Variants in TMTC1 observed in about 807,000 individuals in gnomAD.
The protein encoded by TMTC1 is transmembrane O-mannosyltransferase targeting cadherins 1, also known as protein O-mannosyl-transferase TMTC1.
TMTC1 carries 73 observed loss-of-function variants against 104.8 expected under a neutral mutation model. The ratio of observed to expected loss-of-function variants is 0.70; its 90% CI spans 0.58 to 0.85. The LOEUF is 0.85. Ranked by LOEUF, TMTC1 falls within the 40% of genes least tolerant of loss-of-function variation. TMTC1 has a pLI of 0.00. For missense variants in TMTC1, 1,035 were observed against 1,096.1 expected, an observed-to-expected ratio of 0.94 and a Z score of 0.79; for synonymous variants, 434 against 428.7, an observed-to-expected ratio of 1.01 and a Z score of -0.15.
At chr12:29,589,529 C>T (rs1051606865) in intron 7 of TMTC1, among the ~76,000 whole-genome samples, 2 of 152,208 alleles carry the variant, frequency 1.3e-5, no homozygotes, top group Non-Finnish European at 2.9e-5. Flanking sequence ...CACCTCATCA[C>T]ACAACATCAC....
At chr12:29,689,462 C>T (rs543907494) in intron 5 of TMTC1, among the ~76,000 whole-genome samples, 11 of 152,050 alleles carry the variant, frequency 7.2e-5, no homozygotes, top group East Asian at 3.9e-4. Flanking sequence ...TACAGGCGTG[C>T]GCCACCACAC....
chr12:29,627,936 A>G (rs907153432), intron 6 of TMTC1, among the ~76,000 whole-genome samples: 2 of 152,230 alleles, frequency 1.3e-5, no homozygotes, highest in Admixed American at 1.3e-4. Flanking sequence ...CATACCAAAA[A>G]GACGCAGCTT....
At chr12:29,699,037 G>T (rs1038111668) in intron 5 of TMTC1, among the ~76,000 whole-genome samples, 1 of 152,152 alleles carries the variant, frequency 6.6e-6, no homozygotes, top group African/African-American at 2.4e-5. Flanking sequence ...GGACCAACTG[G>T]GTTTATGTGC....
chr12:29,567,713 C>A (rs534028754), intron 9 of TMTC1, among the ~76,000 whole-genome samples: 2 of 152,290 alleles, frequency 1.3e-5, no homozygotes, highest in African/African-American at 4.8e-5. Context: ...CTTAAATGTT[C>A]ACTTAAAATA....
At chr12:29,579,741 C>T (rs1046955782) in intron 8 of TMTC1, among the ~76,000 whole-genome samples, 2 of 152,158 alleles carry the variant, frequency 1.3e-5, no homozygotes, top group Admixed American at 6.5e-5. Context: ...CAGAGCTATG[C>T]GGTGATCCAC....
intron 11 of TMTC1, among the ~76,000 whole-genome samples, chr12:29,531,760 A>G (rs1254094910): frequency 3.3e-5 from 5 of 152,192 alleles, no homozygotes; most frequent in Non-Finnish European, 5.9e-5. Flanking sequence ...GATGCAGTAG[A>G]CACAGAGTGG....
chr12:29,553,445 C>T (rs752220327), intron 10 of TMTC1, among the ~76,000 whole-genome samples: 2 of 152,104 alleles, frequency 1.3e-5, no homozygotes, highest in Non-Finnish European at 2.9e-5. Flanking sequence ...GAGATACAGC[C>T]ACTTGGCTCT....
Position 29,755,702 on chromosome 12 carries a change from G to C in TMTC1, c.731+7C>G. On this transcript the variant is annotated splice_region_variant and intron_variant, in intron 4 of 17. Coordinates refer to ENST00000539277, the MANE Select transcript of TMTC1 (RefSeq NM_001193451.2). ...CCATTTGATATCAAAACTGTAAAAT[G>C]ACTTACGACTTGTCTTGCTTGTTGG... 2 of 1,610,714 alleles carry C rather than the reference G, an allele frequency of 1.2e-6. No individual in the cohort carries two copies. Among genetic ancestry groups the C allele is most frequent in the Non-Finnish European group, 1.7e-6 (2 of 1,178,074 alleles).
At chr12:29,775,398 G>C (rs546151393) in intron 1 of TMTC1, among the ~76,000 whole-genome samples, 1 of 152,164 alleles carries the variant, frequency 6.6e-6, no homozygotes, top group South Asian at 2.1e-4. Context: ...CTGACCAACT[G>C]GCTACATAAT....
At chr12:29,733,562 A>G (rs183985223) in intron 5 of TMTC1, among the ~76,000 whole-genome samples, 1 of 152,324 alleles carries the variant, frequency 6.6e-6, no homozygotes, top group African/African-American at 2.4e-5. Flanking sequence ...AAGTCAGGCT[A>G]AAGTGCCAGC....
intron 6 of TMTC1, among the ~76,000 whole-genome samples, chr12:29,621,783 T>C (rs1031329262): frequency 6.6e-6 from 1 of 152,024 alleles, no homozygotes; most frequent in Non-Finnish European, 1.5e-5. Flanking sequence ...TGGAGGTAAA[T>C]CCAAAGTGAG....
intron 5 of TMTC1, among the ~76,000 whole-genome samples, chr12:29,673,691 T>C (rs1940604706): frequency 1.3e-5 from 2 of 151,168 alleles, no homozygotes. Context: ...ACATTGCATT[T>C]TGCTAAGTGT....
At chr12:29,657,738 AAGT>A (rs1939826054) in intron 5 of TMTC1, among the ~76,000 whole-genome samples, 1 of 152,346 alleles carries the variant, frequency 6.6e-6, no homozygotes, top group South Asian at 2.1e-4. Context: ...AAGGCAAAGA[AAGT>A]AGTAGAAATT....
At chr12:29,629,738 T>A (rs1348563143) in intron 6 of TMTC1, among the ~76,000 whole-genome samples, 1 of 152,190 alleles carries the variant, frequency 6.6e-6, no homozygotes, top group African/African-American at 2.4e-5. Flanking sequence ...GCTTTGAAAC[T>A]AGAAAGTGCT....
chr12:29,655,357 C>T lies in TMTC1; in HGVS notation c.939-22021G>A, dbSNP rs1202881457. ...ATGAATGGGAATGAGATTGGCAAAT[C>T]AGTAACAATTTTTTTTCCAATGTAC... On this transcript the variant is annotated intron_variant, in intron 5 of 17. Coordinates refer to ENST00000539277, the MANE Select transcript of TMTC1 (RefSeq NM_001193451.2). Among the ~76,000 whole-genome samples, 3 of 152,198 alleles carry T rather than the reference C, an allele frequency of 2.0e-5. No homozygotes were observed. In the East Asian group the frequency reaches 5.8e-4, roughly 29 times the overall value.
intron 7 of TMTC1, among the ~76,000 whole-genome samples, chr12:29,593,757 T>C (rs924665429): frequency 2.0e-5 from 3 of 152,248 alleles, no homozygotes; most frequent in African/African-American, 7.2e-5. Context: ...AATTAATACA[T>C]AATGAGGAAG....
chr12:29,623,987 T>C (rs931942361), intron 6 of TMTC1, among the ~76,000 whole-genome samples: 3 of 152,020 alleles, frequency 2.0e-5, no homozygotes, highest in Non-Finnish European at 4.4e-5. Context: ...TGTCTTGTTT[T>C]TGTTTTTGTT....
chr12:29,714,992 T>C (rs1013522873), intron 5 of TMTC1, among the ~76,000 whole-genome samples: 5 of 152,234 alleles, frequency 3.3e-5, no homozygotes, highest in Admixed American at 6.5e-5. Flanking sequence ...TTTTAAAAAA[T>C]AGTACTTTTT....
intron 7 of TMTC1, among the ~76,000 whole-genome samples, chr12:29,599,955 T>C (rs922542684): frequency 1.4e-5 from 2 of 140,318 alleles, no homozygotes; most frequent in Non-Finnish European, 3.0e-5. Flanking sequence ...TGTATATATA[T>C]GTGTATATAT....
Sources: allele counts gnomAD v4.1 joint callset (sites outside exome capture counted in the v4.1 genomes callset), GRCh38; gene constraint gnomAD v4.1.1; transcripts MANE v1.5; gene names NCBI Gene and HGNC (gene_info 2026-07-23, HGNC 2026-07-21).